ANKS1B: variants seen among roughly 807,000 people sequenced by gnomAD.
ANKS1B encodes ankyrin repeat and sterile alpha motif domain containing 1B.
In ANKS1B, 36 loss-of-function variants were observed where a neutral mutation model predicts 148.3. The observed-to-expected ratio is 0.24, with a 90% CI of 0.19 to 0.32. The LOEUF is 0.32. ANKS1B is among the 10% of genes least tolerant of loss of function. The probability of loss-of-function intolerance (pLI) is 1.00; values close to 1 mark genes in which losing one functional copy is unlikely to be tolerated. For missense variants in ANKS1B, 1,157 were observed against 1,542.6 expected (o/e 0.75, Z 4.19); for synonymous variants, 542 against 560.8 (o/e 0.97, Z 0.47).
At chr12:99,516,778 T>A (rs866777442) in intron 9 of ANKS1B, among the ~76,000 whole-genome samples, 1 of 152,086 alleles carries the variant, frequency 6.6e-6, no homozygotes, top group African/African-American at 2.4e-5. Flanking sequence ...ACTGTTTTTT[T>A]CCCAATGTAT....
intron 17 of ANKS1B, among the ~76,000 whole-genome samples, chr12:99,014,878 T>C (rs1010880241): frequency 1.3e-5 from 2 of 152,110 alleles, no homozygotes; most frequent in African/African-American, 4.8e-5. Context: ...CAGATGCTGG[T>C]GAGGTTGTGG....
intron 9 of ANKS1B, among the ~76,000 whole-genome samples, chr12:99,635,356 T>C (rs1410573131): frequency 1.3e-5 from 2 of 152,186 alleles, no homozygotes; most frequent in African/African-American, 2.4e-5. Flanking sequence ...GCAACCTAAG[T>C]GTTCACTGAC....
intron 1 of ANKS1B, among the ~76,000 whole-genome samples, chr12:99,900,041 G>C (rs1390169836): frequency 6.6e-6 from 1 of 151,902 alleles, no homozygotes; most frequent in Non-Finnish European, 1.5e-5. Flanking sequence ...TGGGACTACA[G>C]GCACCTGCCA....
intron 11 of ANKS1B, among the ~76,000 whole-genome samples, chr12:99,440,774 T>A (rs1159009255): frequency 6.6e-6 from 1 of 151,882 alleles, no homozygotes; most frequent in East Asian, 1.9e-4. Context: ...ACTCCTTCGT[T>A]ACAATGGATG....
At chr12:99,329,080 G>A (rs373678686) in intron 12 of ANKS1B, among the ~76,000 whole-genome samples, 1 of 151,866 alleles carries the variant, frequency 6.6e-6, no homozygotes, top group Non-Finnish European at 1.5e-5. Flanking sequence ...AATGAACAGA[G>A]CCTCAGTGAA....
intron 8 of ANKS1B, among the ~76,000 whole-genome samples, chr12:99,763,546 T>C (rs553235355): frequency 7.2e-5 from 11 of 152,126 alleles, no homozygotes; most frequent in African/African-American, 2.4e-4. Flanking sequence ...AAGCTACATA[T>C]TGGGTACTAT....
chr12:98,914,502 C>CA (rs1456454986), intron 17 of ANKS1B, among the ~76,000 whole-genome samples: 2 of 152,114 alleles, frequency 1.3e-5, no homozygotes, highest in Non-Finnish European at 2.9e-5. Flanking sequence ...GAGTAAAAGC[C>CA]AAAGAAAGTC....
At chr12:99,664,186 C>A (rs897324693) in intron 8 of ANKS1B, among the ~76,000 whole-genome samples, 2 of 151,202 alleles carry the variant, frequency 1.3e-5, no homozygotes, top group East Asian at 1.9e-4. Flanking sequence ...GTACAGAAGG[C>A]AAAATGTATA....
intron 8 of ANKS1B, among the ~76,000 whole-genome samples, chr12:99,724,792 G>A (rs145429623): frequency 0.012 from 1,863 of 152,300 alleles, 41 homozygotes; most frequent in African/African-American, 0.042. Context: ...AAGCCCATCA[G>A]ACTAACAGCA....
rs551636464 is a variant in ANKS1B, at chr12:99,113,014, T to C, written c.2527-27991A>G. On this transcript the variant is annotated intron_variant, in intron 15 of 26. Transcript: ENST00000683438. The stretch of plus-strand genomic sequence containing the variant: ...CCTAGGCAAGTAGTAAAATAAAACC[T>C]TATATGGAACTTCGAGTATGCATTA... 1.4e-4 allele frequency among the ~76,000 whole-genome samples: 22 copies of C among 152,306 alleles called. No individual in the cohort carries two copies. In the South Asian group the frequency reaches 1.9e-3, roughly 13 times the overall value.
At chr12:99,699,557 C>A (rs542245091) in intron 8 of ANKS1B, among the ~76,000 whole-genome samples, 1 of 152,158 alleles carries the variant, frequency 6.6e-6, no homozygotes, top group East Asian at 1.9e-4. Flanking sequence ...GAAAACAATA[C>A]CCTTAATAAA....
intron 17 of ANKS1B, among the ~76,000 whole-genome samples, chr12:99,044,502 GAGTCCAGGGC>G (rs2099961053): frequency 6.6e-6 from 1 of 152,178 alleles, no homozygotes. Flanking sequence ...GGGAAGCTGA[GAGTCCAGGGC>G]AGGTGAATGG....
intron 17 of ANKS1B, among the ~76,000 whole-genome samples, chr12:98,866,906 G>A (rs2099627583): frequency 2.0e-5 from 3 of 152,132 alleles, no homozygotes; most frequent in Admixed American, 2.0e-4. Context: ...AGTAGGTTTT[G>A]AATATGGGCA....
chr12:99,372,059 C>T (rs1227945762), intron 12 of ANKS1B, among the ~76,000 whole-genome samples: 3 of 152,078 alleles, frequency 2.0e-5, no homozygotes, highest in Non-Finnish European at 4.4e-5. Context: ...GGATACATGT[C>T]TACTTACATA....
chr12:98,740,673 A>G (rs1284429001), downstream of ANKS1B, among the ~76,000 whole-genome samples: 4 of 152,108 alleles, frequency 2.6e-5, no homozygotes, highest in Non-Finnish European at 2.9e-5. Context: ...GCAATATCCA[A>G]TCTCCCCCTT....
chr12:99,764,516 G>A (rs1343925392), intron 8 of ANKS1B, among the ~76,000 whole-genome samples: 11 of 152,082 alleles, frequency 7.2e-5, no homozygotes, highest in Non-Finnish European at 7.4e-5. Context: ...TCCACCTCCC[G>A]GGTTCAAGTG....
intron 9 of ANKS1B, among the ~76,000 whole-genome samples, chr12:99,558,848 G>A (rs1451379121): frequency 6.6e-6 from 1 of 152,186 alleles, no homozygotes; most frequent in African/African-American, 2.4e-5. Flanking sequence ...CCCTGGCCAT[G>A]CTCCACTTCA....
chr12:98,775,576 C>G (rs928854822), intron 24 of ANKS1B, among the ~76,000 whole-genome samples: 1 of 151,950 alleles, frequency 6.6e-6, no homozygotes, highest in African/African-American at 2.4e-5. Flanking sequence ...TCCTGAGTAG[C>G]TGGGACTACA....
At chr12:99,823,932 T>A (rs1197409659) in intron 2 of ANKS1B, among the ~76,000 whole-genome samples, 2 of 152,182 alleles carry the variant, frequency 1.3e-5, no homozygotes, top group African/African-American at 4.8e-5. Context: ...TTCTCTAACC[T>A]GTTTATTGGT....
Sources: allele counts gnomAD v4.1 joint callset (sites outside exome capture counted in the v4.1 genomes callset), GRCh38; gene constraint gnomAD v4.1.1; transcripts MANE v1.5; gene names NCBI Gene and HGNC (gene_info 2026-07-23, HGNC 2026-07-21).